The following KMT2C variants were observed in gnomAD, a reference collection of about 807,000 sequenced individuals.
The protein encoded by KMT2C is histone-lysine N-methyltransferase 2C.
KMT2C carries 88 observed loss-of-function variants against 507.9 expected under a neutral mutation model. The observed-to-expected ratio is 0.17, with a 90% CI of 0.15 to 0.21. KMT2C has a LOEUF of 0.21. Ranked by LOEUF, KMT2C falls within the 10% of genes least tolerant of loss-of-function variation. The probability of loss-of-function intolerance (pLI) is 1.00; values close to 1 mark genes in which losing one functional copy is unlikely to be tolerated. For missense variants in KMT2C, 4,954 were observed against 5,957.8 expected, an observed-to-expected ratio of 0.83 and a Z score of 5.55; for synonymous variants, 2,049 against 2,080.8, an observed-to-expected ratio of 0.98 and a Z score of 0.42.
intron 6 of KMT2C, among the ~76,000 whole-genome samples, chr7:152,274,300 A>G (rs77501393): frequency 2.6e-5 from 4 of 151,028 alleles, no homozygotes; most frequent in Non-Finnish European, 4.4e-5. Flanking sequence ...CTGCCTAAAA[A>G]TAAATACAAA....
chr7:152,137,958 T>C (rs1325126387), intron 58 of KMT2C: 1 of 152,138 alleles, frequency 6.6e-6, no homozygotes, highest in Admixed American at 6.6e-5. Context: ...AGACCCAAAA[T>C]ACAGATAGAA....
intron 6 of KMT2C, among the ~76,000 whole-genome samples, chr7:152,304,659 T>A (rs1243728583): frequency 6.6e-6 from 1 of 152,204 alleles, no homozygotes; most frequent in Non-Finnish European, 1.5e-5. Flanking sequence ...TAGAGCTAGG[T>A]ATCAGAATAT....
intron 3 of KMT2C, among the ~76,000 whole-genome samples, chr7:152,326,911 A>C (rs2096834318): frequency 6.6e-6 from 1 of 152,196 alleles, no homozygotes; most frequent in African/African-American, 2.4e-5. Flanking sequence ...AAATTCATTA[A>C]ATTCAATCTG....
chr7:152,297,051 A>AAGACAGACAGAC (rs1278668405), intron 6 of KMT2C, among the ~76,000 whole-genome samples: 17 of 60,268 alleles, frequency 2.8e-4, no homozygotes, highest in African/African-American at 9.5e-4. Flanking sequence ...GAAAGAAAGA[A>AAGACAGACAGAC]AGACAGAGAG....
Position 152,156,357 on chromosome 7 carries a change from C to A in KMT2C, c.11671-11G>T. 2 of 1,612,368 alleles carry A rather than the reference C, an allele frequency of 1.2e-6. No homozygotes were observed. The highest frequency in any genetic ancestry group is 1.7e-6 in the Non-Finnish European group (2 of 1,179,284). On this transcript the variant is annotated splice_polypyrimidine_tract_variant and intron_variant, in intron 44 of 58. Transcript: ENST00000262189. ...ACTTAAATTATTCTGCTGCAGGAGA[C>A]CAAAAAATTTAAATTATATGCTACT...
chr7:152,358,203 C>T (rs186436964), intron 2 of KMT2C, among the ~76,000 whole-genome samples: 113 of 152,270 alleles, frequency 7.4e-4, no homozygotes, highest in Non-Finnish European at 1.4e-3. Flanking sequence ...AATTCCATAA[C>T]GAAACATACT....
At chr7:152,350,078 C>T (rs2097097541) in intron 2 of KMT2C, among the ~76,000 whole-genome samples, 1 of 152,090 alleles carries the variant, frequency 6.6e-6, no homozygotes, top group African/African-American at 2.4e-5. Context: ...ATGGAAAACC[C>T]TGTCTCTACT....
intron 2 of KMT2C, among the ~76,000 whole-genome samples, chr7:152,338,598 A>G (rs2096960468): frequency 6.6e-6 from 1 of 152,224 alleles, no homozygotes; most frequent in African/African-American, 2.4e-5. Flanking sequence ...CTTTTAAAAA[A>G]AGAATAACAT....
intron 6 of KMT2C, among the ~76,000 whole-genome samples, chr7:152,277,008 TTC>T (rs2096094030): frequency 6.6e-6 from 1 of 152,158 alleles, no homozygotes; most frequent in Non-Finnish European, 1.5e-5. Flanking sequence ...CTGAGGAATT[TTC>T]AAGACTTTTA....
chr7:152,212,465 C>T (rs367561011), intron 23 of KMT2C, among the ~76,000 whole-genome samples: 2 of 151,584 alleles, frequency 1.3e-5, no homozygotes, highest in African/African-American at 4.9e-5. Context: ...CAGAAAAAAG[C>T]GGGTAAAATT....
At position 152,155,979 on chromosome 7, in the gene KMT2C, T is replaced by C; in HGVS notation, c.11891A>G (p.Gln3964Arg). 6.2e-7 allele frequency: 1 copy of C among 1,610,680 alleles called. No homozygotes were observed. The highest frequency in any genetic ancestry group is 8.5e-7 in the Non-Finnish European group (1 of 1,179,206). Residue 3964 changes from glutamine (Q) to arginine (R), a missense_variant, in exon 46 of 59, where the codon CAG (glutamine) becomes CGG (arginine). Physicochemically the swap from Gln to Arg is conservative, Grantham distance 43 (BLOSUM62 1). Coordinates refer to ENST00000262189, the MANE Select transcript of KMT2C (RefSeq NM_170606.3). ...TGGCACATCAACTGTCTTGGGGCCC[T>C]GAGCAAGAGCTCGGGCCAACAAGTC... is the stretch of plus-strand genomic sequence containing the variant. ...QDDLLARALA[Q>R]GPKTVDVPAS...
At chr7:152,429,615 G>T (rs1157054473) in intron 1 of KMT2C, among the ~76,000 whole-genome samples, 1 of 151,668 alleles carries the variant, frequency 6.6e-6, no homozygotes, top group African/African-American at 2.4e-5. Context: ...CTGCCTCCTG[G>T]GTTCAAGCGA....
Position 152,248,332 on chromosome 7 carries a change from G to A in KMT2C, c.2102C>T (p.Ser701Phe), listed in dbSNP as rs2129164260. Residue 701 changes from serine to phenylalanine, a missense_variant, in exon 14 of 59, where the codon TCC becomes TTC. Around this residue, in one of 29 missense-constraint regions of KMT2C, gnomAD observed 376 missense variants for 352.4 expected, o/e 1.07. Coordinates refer to ENST00000262189, the MANE Select transcript of KMT2C (RefSeq NM_170606.3). ...SVTLPLETLV[S>F]PHEESISLCP... ...TAATGAAATACTTTCCTCATGTGGG[G>A]ACACTAAGGTTTCTAGTGGAAGAGT... The A allele has an allele frequency of 6.2e-7, 1 of 1,613,858 alleles. No homozygotes were observed.
chr7:152,243,287 A>G (rs981444590), intron 14 of KMT2C, among the ~76,000 whole-genome samples: 41 of 152,220 alleles, frequency 2.7e-4, no homozygotes, highest in Non-Finnish European at 1.6e-4. Context: ...AACTAAAAGG[A>G]AAGTCTGGTA....
chr7:152,227,407 C>G (rs2094965034), intron 18 of KMT2C, among the ~76,000 whole-genome samples: 1 of 152,190 alleles, frequency 6.6e-6, no homozygotes, highest in Non-Finnish European at 1.5e-5. Context: ...CACGCTTCAA[C>G]TATAATGGAG....
chr7:152,322,678 A>C (rs1301716245), intron 3 of KMT2C, among the ~76,000 whole-genome samples: 1 of 152,024 alleles, frequency 6.6e-6, no homozygotes, highest in Non-Finnish European at 1.5e-5. Flanking sequence ...AAGCATAGGC[A>C]ACAAAAGCAG....
rs558678765 is a variant in KMT2C at position 152,367,469 on chromosome 7, C to T, written c.162-8794G>A. The T allele has an allele frequency of 2.0e-4, 155 of 791,668 alleles. 3 individuals are homozygous for T. Among genetic ancestry groups the T allele is most frequent in the South Asian group, 1.7e-3 (117 of 68,822 alleles). 49.0% of individuals were successfully genotyped at this position (791,668 alleles called of 1,614,324 possible). ...CTGAGCTCAAACAATCTACCCACCT[C>T]GGCCTCCCAAAGTTCTGGGATTACA... On this transcript the variant is annotated intron_variant, in intron 1 of 58. Transcript: ENST00000262189.
At chr7:152,211,494 T>C (rs2094453108) in intron 23 of KMT2C, among the ~76,000 whole-genome samples, 1 of 152,194 alleles carries the variant, frequency 6.6e-6, no homozygotes, top group South Asian at 2.1e-4. Context: ...TCATATGTAA[T>C]GGTTTGTGGC....
intron 6 of KMT2C, among the ~76,000 whole-genome samples, chr7:152,285,288 G>A (rs529540644): frequency 4.6e-5 from 7 of 152,384 alleles, no homozygotes; most frequent in African/African-American, 9.6e-5. Flanking sequence ...GCAACAGATC[G>A]GTGATTGGCA....
Sources: allele counts gnomAD v4.1 joint callset (sites outside exome capture counted in the v4.1 genomes callset), GRCh38; gene constraint gnomAD v4.1.1; regional missense constraint gnomAD v4.1.1; transcripts MANE v1.5; gene names NCBI Gene and HGNC (gene_info 2026-07-23, HGNC 2026-07-21).